Variants in DST observed in about 807,000 individuals in gnomAD.
DST encodes bullous pemphigoid antigen.
In DST, 253 loss-of-function variants were observed where a neutral mutation model predicts 875.2. The observed-to-expected ratio is 0.29, with a 90% CI of 0.26 to 0.32. DST has a LOEUF of 0.32. Ranked by LOEUF, DST falls within the 10% of genes least tolerant of loss-of-function variation. DST has a pLI of 1.00. For missense variants in DST, 8,287 were observed against 9,111.6 expected, an observed-to-expected ratio of 0.91 and a Z score of 3.68; for synonymous variants, 3,124 against 3,197.1, an observed-to-expected ratio of 0.98 and a Z score of 0.77.
At chr6:56,496,167 T>C (rs1390087903) in intron 82 of DST, among the ~76,000 whole-genome samples, 3 of 152,190 alleles carry the variant, frequency 2.0e-5, no homozygotes, top group African/African-American at 4.8e-5. Flanking sequence ...TGAAACACTG[T>C]TTCCTCTCAG....
chr6:56,514,606 C>CACAA (rs1554275997), intron 72 of DST, among the ~76,000 whole-genome samples: 3,788 of 146,692 alleles, frequency 0.026, 84 homozygotes, highest in African/African-American at 0.037. Context: ...CACACACACA[C>CACAA]ACACACCCCC....
At chr6:56,634,700 T>C (rs995995124) in intron 25 of DST, 84 bp from the exon 26 acceptor site, 5 of 1,606,176 alleles carry the variant, frequency 3.1e-6, no homozygotes, top group Non-Finnish European at 4.3e-6. Flanking sequence ...TTTTTTGTTT[T>C]ATGAGGCGGG....
At position 56,938,021 on chromosome 6, in the gene DST, A is replaced by G. The variant is rs9475756; in HGVS notation, c.216+15764T>C. Reference sequence around the variant, plus strand: ...CAGAGATTGACTGCAAACAGGCATGAGAAATCTTTTGGGGATGACGAAAAA... The same window carrying G: ...CAGAGATTGACTGCAAACAGGCATGGGAAATCTTTTGGGGATGACGAAAAA... On this transcript the variant is annotated intron_variant, in intron 2 of 103. Transcript: ENST00000680361. Among the ~76,000 whole-genome samples the G allele has an allele frequency of 3.2e-3, 490 of 152,158 alleles. 4 individuals are homozygous for G. The highest frequency in any genetic ancestry group is 0.011 in the African/African-American group (476 of 41,458).
At chr6:56,756,724 A>G (rs2099604751) in intron 4 of DST, among the ~76,000 whole-genome samples, 1 of 152,240 alleles carries the variant, frequency 6.6e-6, no homozygotes, top group Admixed American at 6.5e-5. Flanking sequence ...GATTTGCCAC[A>G]TCAGACTATG....
chr6:56,871,397 G>C (rs1777017263), intron 3 of DST: 1 of 1,429,556 alleles, frequency 7.0e-7, no homozygotes. Flanking sequence ...GAGTTGGCAG[G>C]TGTGCCCAGG....
intron 87 of DST, among the ~76,000 whole-genome samples, chr6:56,486,347 A>G (rs1392705879): frequency 7.9e-6 from 1 of 126,836 alleles, no homozygotes; most frequent in Non-Finnish European, 1.6e-5. Flanking sequence ...TGGGTGACAG[A>G]GCGAGACTCC....
rs189594869 is a variant in DST, at chr6:56,639,597, A to G, written c.2712T>C (p.Asn904=). The G allele has an allele frequency of 1.2e-6, 2 of 1,613,848 alleles. No homozygotes were observed. Among genetic ancestry groups the G allele is most frequent in the Admixed American group, 3.3e-5 (2 of 60,004 alleles). ...GGAGTGTATCAAGGTGCCGTTCTTG[A>G]TTCCTGGATGTATTCTTTAGTAAGG... ...QYAKLLNTSR[N]QERHLDTLHN... The change falls in exon 21 of 104, where the codon AAT becomes AAC. Residue 904 remains asparagine (N), a synonymous_variant. Transcript: ENST00000680361.
intron 4 of DST, among the ~76,000 whole-genome samples, chr6:56,773,333 G>C (rs1350407157): frequency 2.0e-5 from 3 of 151,618 alleles, no homozygotes; most frequent in African/African-American, 7.3e-5. Flanking sequence ...GATTTATTTA[G>C]TTATTCTTTC....
At chr6:56,616,106 G>A in intron 36 of DST, 2 of 1,614,174 alleles carry the variant, frequency 1.2e-6, no homozygotes, top group Non-Finnish European at 1.7e-6. Flanking sequence ...CCCACTAGCA[G>A]TCAGCCAATA....
At chr6:56,616,098 C>T in intron 36 of DST, 1 of 1,614,164 alleles carries the variant, frequency 6.2e-7, no homozygotes, top group African/African-American at 1.3e-5. Context: ...ATCCTTTCCC[C>T]ACTAGCAGTC....
At position 56,714,478 on chromosome 6, in the gene DST, C is replaced by T. The variant is rs2099388208; in HGVS notation, c.688-10109G>A. ...AAAGCCCAGTGTCACAGAAGAGGTA[C>T]TGCACTGATGTCTCTTACTAAAGCT... On this transcript the variant is annotated intron_variant, in intron 5 of 103. Coordinates refer to ENST00000680361, the MANE Select transcript of DST (RefSeq NM_001374736.1). The surrounding 1 kb of genome is among the most constrained non-coding windows in gnomAD (Gnocchi z 4.5). Among the ~76,000 whole-genome samples, 1 of 152,182 alleles carries T rather than the reference C, an allele frequency of 6.6e-6. No homozygotes were observed. The highest frequency in any genetic ancestry group is 2.4e-5 in the African/African-American group (1 of 41,436).
Position 56,530,095 on chromosome 6 carries a change from TG to T in DST, c.17146del (p.Gln5716AsnfsTer6). On this transcript the variant is annotated frameshift_variant, in exon 65 of 104. Coordinates refer to ENST00000680361, the MANE Select transcript of DST (RefSeq NM_001374736.1). LOFTEE classifies it high-confidence loss of function. ...CAGTGGTTCTAAGGTTTCATGAAAT[TG>T]CTGTGCTACCACCGAGATACCTTCC... ...QLEGISVVAQ[Q>X]FHETLEPLNE... The T allele has an allele frequency of 1.3e-6, 2 of 1,534,926 alleles. No homozygotes were observed. Among genetic ancestry groups the T allele is most frequent in the East Asian group, 2.4e-5 (1 of 41,936 alleles).
At chr6:56,733,384 T>C (rs1236233910) in intron 5 of DST, among the ~76,000 whole-genome samples, 1 of 152,158 alleles carries the variant, frequency 6.6e-6, no homozygotes, top group African/African-American at 2.4e-5. Flanking sequence ...CAAAAGCAAC[T>C]TACACTTAAC....
Position 56,555,709 on chromosome 6 carries a change from C to G in DST, c.14772G>C (p.Val4924=). Residue 4924 remains valine, a synonymous_variant, in exon 60 of 104, where the codon GTG becomes GTC. Transcript: ENST00000680361. ...RGIVKEQLAA[V]TQKWDSLTGQ... The stretch of plus-strand genomic sequence containing the variant: ...CTGTTAGGCTATCCCATTTTTGGGT[C>G]ACAGCTGCCAGTTGCTCTTTCACAA... 6.2e-7 allele frequency: 1 copy of G among 1,610,662 alleles called. No individual in the cohort carries two copies. The highest frequency in any genetic ancestry group is 8.5e-7 in the Non-Finnish European group (1 of 1,176,976).
intron 4 of DST, among the ~76,000 whole-genome samples, chr6:56,837,862 T>C (rs1340006024): frequency 6.6e-6 from 1 of 150,714 alleles, no homozygotes; most frequent in African/African-American, 2.4e-5. Context: ...GCTTCTTCTT[T>C]TGGGAGAGAT....
chr6:56,879,486 T>A (rs1005687828), intron 3 of DST, among the ~76,000 whole-genome samples: 22 of 148,048 alleles, frequency 1.5e-4, no homozygotes, highest in African/African-American at 2.8e-4. Context: ...AAAAAAAAAA[T>A]AGTTCCAAGT....
At chr6:56,778,746 G>A (rs1444112425) in intron 4 of DST, among the ~76,000 whole-genome samples, 1 of 151,856 alleles carries the variant, frequency 6.6e-6, no homozygotes, top group Admixed American at 6.6e-5. Flanking sequence ...GTATTCCATG[G>A]TGTATATGTG....
At chr6:56,819,315 T>C (rs779215457) in intron 4 of DST, among the ~76,000 whole-genome samples, 3 of 152,166 alleles carry the variant, frequency 2.0e-5, no homozygotes, top group Non-Finnish European at 2.9e-5. Context: ...ACTTCCAGGG[T>C]ACACTGTTCC....
Position 56,553,384 on chromosome 6 carries a change from T to C in DST, c.15408A>G (p.Leu5136=). 1.9e-6 allele frequency: 3 copies of C among 1,603,546 alleles called. No homozygotes were observed. The highest frequency in any genetic ancestry group is 2.2e-5 in the East Asian group (1 of 44,818). The change falls in exon 61 of 104, where the codon TTA becomes TTG. Residue 5136 remains leucine (L), a synonymous_variant. Transcript: ENST00000680361. ...LKTQGSEKAA[L]QLQLNTIKTN... ...TTTTAATTGTATTAAGCTGTAACTG[T>C]AAGGCTGCCTTCTCAGACCCTTGTG...
Sources: allele counts gnomAD v4.1 joint callset (sites outside exome capture counted in the v4.1 genomes callset), GRCh38; gene constraint gnomAD v4.1.1; non-coding constraint Gnocchi (gnomAD v3.1); transcripts MANE v1.5; gene names NCBI Gene and HGNC (gene_info 2026-07-23, HGNC 2026-07-21).